The following NTM variants were observed in gnomAD, a reference collection of about 807,000 sequenced individuals.
The protein encoded by NTM is IgLON family member 2.
In NTM, 13 loss-of-function variants were observed where a neutral mutation model predicts 42.1. The ratio of observed to expected loss-of-function variants is 0.31; its 90% CI spans 0.20 to 0.49. NTM has a LOEUF of 0.49. Among genes scored for constraint, NTM ranks in the 20% least tolerant of loss-of-function variants. NTM has a pLI of 0.99. For missense variants in NTM, 373 were observed against 452.8 expected (o/e 0.82, Z 1.60); for synonymous variants, 187 against 179.2 (o/e 1.04, Z -0.35).
At chr11:131,875,965 G>C (rs1411141993) in intron 1 of NTM, among the ~76,000 whole-genome samples, 1 of 152,374 alleles carries the variant, frequency 6.6e-6, no homozygotes, top group East Asian at 1.9e-4. Context: ...GAGGGGCCCA[G>C]TGCAAGGGAG....
intron 2 of NTM, among the ~76,000 whole-genome samples, chr11:132,010,073 C>T (rs1007383480): frequency 6.6e-6 from 1 of 152,188 alleles, no homozygotes; most frequent in Non-Finnish European, 1.5e-5. Context: ...GAGATCAATA[C>T]AGATAATTTT....
intron 2 of NTM, among the ~76,000 whole-genome samples, chr11:132,070,214 C>G (rs1265152246): frequency 1.4e-5 from 2 of 141,406 alleles, no homozygotes; most frequent in African/African-American, 2.7e-5. Flanking sequence ...TCAAACTGAC[C>G]ATCACAGGTT....
intron 1 of NTM, among the ~76,000 whole-genome samples, chr11:131,562,117 A>G (rs1404649759): frequency 6.6e-6 from 1 of 152,182 alleles, no homozygotes; most frequent in African/African-American, 2.4e-5. Flanking sequence ...GAAGCAGGCC[A>G]CGCACTGAAG....
intron 1 of NTM, among the ~76,000 whole-genome samples, chr11:131,837,114 G>T (rs1249891823): frequency 2.6e-5 from 4 of 152,156 alleles, no homozygotes; most frequent in Non-Finnish European, 5.9e-5. Context: ...AAGTACATAC[G>T]TATTAACATA....
At chr11:131,712,310 G>T (rs3133333) in intron 1 of NTM, among the ~76,000 whole-genome samples, 29,183 of 151,686 alleles carry the variant, frequency 0.19, 2,959 homozygotes, top group African/African-American at 0.24. Context: ...CTCAAGAACA[G>T]CCTCCAAATA....
chr11:131,789,975 A>AAG (rs1429602806), intron 1 of NTM, among the ~76,000 whole-genome samples: 2 of 150,676 alleles, frequency 1.3e-5, no homozygotes, highest in African/African-American at 4.8e-5. Context: ...AAAAAAAAAA[A>AAG]AAAAAAGCAT....
chr11:131,792,203 T>C (rs1024827305), intron 1 of NTM, among the ~76,000 whole-genome samples: 4 of 152,084 alleles, frequency 2.6e-5, no homozygotes, highest in Non-Finnish European at 5.9e-5. Context: ...CATAAATATA[T>C]ACCTACTATC....
intron 1 of NTM, among the ~76,000 whole-genome samples, chr11:131,500,587 T>A (rs1353577517): frequency 0.019 from 1,609 of 84,312 alleles, 19 homozygotes; most frequent in East Asian, 0.044. Context: ...ATTTTTTTTT[T>A]TTTTTTTTGT....
chr11:131,907,364 T>A (rs897517387), intron 1 of NTM, among the ~76,000 whole-genome samples: 4 of 152,218 alleles, frequency 2.6e-5, no homozygotes, highest in Middle Eastern at 3.2e-3. Flanking sequence ...AGTCTCCATC[T>A]ACTGCTTCCT....
At chr11:131,855,310 G>A (rs143069036) in intron 1 of NTM, among the ~76,000 whole-genome samples, 1,646 of 152,232 alleles carry the variant, frequency 0.011, 28 homozygotes, top group African/African-American at 0.036. Context: ...TGGTTATTTT[G>A]GGTATGTCCA....
At chr11:131,800,056 C>G (rs2091971771) in intron 1 of NTM, among the ~76,000 whole-genome samples, 1 of 152,202 alleles carries the variant, frequency 6.6e-6, no homozygotes, top group Non-Finnish European at 1.5e-5. Flanking sequence ...TCAGCACACT[C>G]TAGATCCTCA....
At chr11:131,731,776 A>C (rs1157765591) in intron 1 of NTM, among the ~76,000 whole-genome samples, 1 of 152,232 alleles carries the variant, frequency 6.6e-6, no homozygotes, top group Non-Finnish European at 1.5e-5. Context: ...ATCCGTTTAC[A>C]GGAGAAAGGG....
intron 2 of NTM, among the ~76,000 whole-genome samples, chr11:131,969,655 G>T (rs1298358125): frequency 6.6e-6 from 1 of 152,140 alleles, no homozygotes; most frequent in East Asian, 1.9e-4. Context: ...ACTCTCGGCA[G>T]ATCTATCTCT....
In NTM at chr11:132,335,289, G is replaced by A. The variant is rs1050876325; in HGVS notation, c.*143G>A. On this transcript the variant is annotated 3_prime_UTR_variant, in exon 9 of 9. Coordinates refer to ENST00000683400, the MANE Select transcript of NTM (RefSeq NM_001352005.2). ...CAGCCTCATGGGACAGAAATTTGAGGGAGGGGAACAAAGAATACTTTGGGG... is the reference window on the plus strand; with the variant it reads ...CAGCCTCATGGGACAGAAATTTGAGAGAGGGGAACAAAGAATACTTTGGGG... 1 of 868,776 alleles carries A rather than the reference G, an allele frequency of 1.2e-6. No homozygotes were observed. Among genetic ancestry groups the A allele is most frequent in the Non-Finnish European group, 1.7e-6 (1 of 587,444 alleles). 53.8% of individuals were successfully genotyped at this position (868,776 alleles called of 1,614,324 possible).
intron 4 of NTM, among the ~76,000 whole-genome samples, chr11:132,271,768 A>T (rs557773633): frequency 1.3e-5 from 2 of 148,752 alleles, no homozygotes; most frequent in South Asian, 4.2e-4. Flanking sequence ...GAGCTGTAAG[A>T]GTTCTTTATA....
intron 3 of NTM, among the ~76,000 whole-genome samples, chr11:132,199,517 T>G (rs1469787175): frequency 6.6e-6 from 1 of 152,178 alleles, no homozygotes; most frequent in African/African-American, 2.4e-5. Context: ...CCCACACAAT[T>G]GCATTTCTCA....
chr11:131,880,019 G>C (rs558375034), intron 1 of NTM, among the ~76,000 whole-genome samples: 1 of 152,284 alleles, frequency 6.6e-6, no homozygotes, highest in South Asian at 2.1e-4. Context: ...AGCCATAGTG[G>C]ACAGGAGATA....
intron 3 of NTM, among the ~76,000 whole-genome samples, chr11:132,211,421 A>G (rs1336611125): frequency 1.3e-5 from 2 of 152,156 alleles, no homozygotes; most frequent in Non-Finnish European, 1.5e-5. Flanking sequence ...GAAAACGAGA[A>G]TGGCTGGGAG....
chr11:131,826,132 T>C (rs2042101342), intron 1 of NTM, among the ~76,000 whole-genome samples: 1 of 150,888 alleles, frequency 6.6e-6, no homozygotes, highest in Non-Finnish European at 1.5e-5. Context: ...AGAAGAAGAG[T>C]GAAGAGGTGA....
Sources: gnomAD v4.1 joint callset for allele counts (sites outside exome capture counted in the v4.1 genomes callset) on GRCh38, gnomAD v4.1.1 for gene constraint, MANE v1.5 for transcripts, NCBI Gene and HGNC (gene_info 2026-07-23, HGNC 2026-07-21) for gene names.